Variants in ZNHIT3 observed in about 807,000 individuals in gnomAD.
The protein encoded by ZNHIT3 is zinc finger HIT-type containing 3, also known as zinc finger HIT domain-containing protein 3.
Under a neutral mutation model 19.9 loss-of-function variants are expected in ZNHIT3, and 27 were observed. The ratio of observed to expected loss-of-function variants is 1.36; its 90% CI spans 1.00 to 1.87. The LOEUF (loss-of-function observed/expected upper bound fraction) is 1.87. Among genes scored for constraint, ZNHIT3 ranks in the 40% most tolerant of loss-of-function variants. The pLI is 0.00. For synonymous variants in ZNHIT3, 81 were observed against 65.7 expected, an observed-to-expected ratio of 1.23 and a Z score of -1.13; for missense variants, 215 against 185.6, an observed-to-expected ratio of 1.16 and a Z score of -0.92.
At chr17:36,496,531 G>T, downstream of ZNHIT3, 1 of 859,852 alleles carries the variant, frequency 1.2e-6, no homozygotes, top group Non-Finnish European at 1.8e-6. Context: ...GGGGGCCACA[G>T]CAGGATTAAA....
rs147606592 is a variant in ZNHIT3 at position 36,493,933 on chromosome 17, T to C, written c.213T>C (p.Asp71=). The change falls in exon 4 of 5, where the codon GAT becomes GAC. Residue 71 remains aspartate, a synonymous_variant. Coordinates refer to ENST00000617429, the MANE Select transcript of ZNHIT3 (RefSeq NM_004773.4). The part of the protein sequence containing the change: ...TVKPVENKDD[D]DSIADFLNSD... ...CTGTTTTGTATTCCTTAGATGATGA[T>C]GACTCTATAGCTGATTTTCTCAATA... 2.3e-4 allele frequency: 372 copies of C among 1,612,828 alleles called. 3 individuals carry two copies. Among genetic ancestry groups the C allele is most frequent in the Non-Finnish European group, 5.0e-5 (59 of 1,179,170 alleles).
Position 36,486,919 on chromosome 17 carries a change from G to A in ZNHIT3, c.87-16G>A. Reference sequence around the variant, plus strand: ...ACCCTCGGGGCTGACGCGGCCTGTGGCCTCTGTTGTTACAGCTGCTCGGTA... The same window carrying A: ...ACCCTCGGGGCTGACGCGGCCTGTGACCTCTGTTGTTACAGCTGCTCGGTA... On this transcript the variant is annotated splice_polypyrimidine_tract_variant and intron_variant, in intron 1 of 4. Transcript: ENST00000617429. 3 of 1,607,626 alleles carry A rather than the reference G, an allele frequency of 1.9e-6. No individual in the cohort carries two copies. Among genetic ancestry groups the A allele is most frequent in the Non-Finnish European group, 2.5e-6 (3 of 1,178,336 alleles).
At chr17:36,493,075 CA>C (rs2070765037) in intron 3 of ZNHIT3, 176 bp downstream of exon 3, 1 of 638,220 alleles carries the variant, frequency 1.6e-6, no homozygotes, top group Non-Finnish European at 2.8e-6. Flanking sequence ...GATATTGAGG[CA>C]ACAGCCTGAA....
At chr17:36,498,969 C>T, downstream of ZNHIT3, 1 of 904,982 alleles carries the variant, frequency 1.1e-6, no homozygotes, top group Non-Finnish European at 1.7e-6. Flanking sequence ...AAACAACCTG[C>T]CCAAGGCCAC....
chr17:36,492,749 A>G, intron 2 of ZNHIT3, 64 bp from the exon 3 acceptor site: 4 of 1,427,244 alleles, frequency 2.8e-6, no homozygotes, highest in Non-Finnish European at 3.9e-6. Flanking sequence ...CTACCTTGGT[A>G]GGGAGGTGCA....
At chr17:36,498,494 A>T, downstream of ZNHIT3, 1 of 1,614,054 alleles carries the variant, frequency 6.2e-7, no homozygotes, top group South Asian at 1.1e-5. Context: ...GGGAACAGGG[A>T]GCTTGAGAGA....
downstream of ZNHIT3, chr17:36,499,178 A>G (rs771684606): frequency 4.4e-6 from 7 of 1,585,098 alleles, no homozygotes; most frequent in African/African-American, 5.4e-5. Flanking sequence ...GTTTGCCCAG[A>G]AACAGGAAAG....
chr17:36,496,284 G>A (rs752105905), downstream of ZNHIT3: 35 of 1,613,924 alleles, frequency 2.2e-5, no homozygotes, highest in East Asian at 8.9e-5. Flanking sequence ...AAGAGGTCAC[G>A]TGGATCAGCC....
chr17:36,487,968 T>C (rs995462811), intron 2 of ZNHIT3, among the ~76,000 whole-genome samples: 9 of 150,124 alleles, frequency 6.0e-5, no homozygotes, highest in African/African-American at 2.2e-4. Context: ...CGTGGTGGCC[T>C]GTGCCAGTGG....
At chr17:36,496,297 T>C (rs185098745), downstream of ZNHIT3, 3 of 1,614,042 alleles carry the variant, frequency 1.9e-6, no homozygotes, top group East Asian at 6.7e-5. Flanking sequence ...GATCAGCCTG[T>C]GTCTTTCCAG....
intron 2 of ZNHIT3, among the ~76,000 whole-genome samples, chr17:36,487,426 C>T (rs542222633): frequency 3.3e-5 from 5 of 152,196 alleles, no homozygotes; most frequent in Non-Finnish European, 5.9e-5. Context: ...AAGGAGACGT[C>T]CTTGATTTGT....
rs1410179912 is a variant in ZNHIT3 at position 36,492,902 on chromosome 17, GGGTT to G, written c.205+9_205+12del. On this transcript the variant is annotated splice_donor_5th_base_variant and intron_variant, in intron 3 of 4. Coordinates refer to ENST00000617429, the MANE Select transcript of ZNHIT3 (RefSeq NM_004773.4). ...CGTAAAGCCTGTGGAAAACAAAGGT[GGGTT>G]GGTTGACTTCAAACAAATCTACAAG... is the stretch of plus-strand genomic sequence containing the variant. 2.5e-6 allele frequency: 4 copies of G among 1,614,078 alleles called. No individual in the cohort carries two copies. Among genetic ancestry groups the G allele is most frequent in the Non-Finnish European group, 3.4e-6 (4 of 1,179,966 alleles).
At chr17:36,498,308 T>G, downstream of ZNHIT3, 1 of 1,613,936 alleles carries the variant, frequency 6.2e-7, no homozygotes, top group Non-Finnish European at 8.5e-7. Flanking sequence ...CCTGGTCTTG[T>G]GCTGTCTGGA....
chr17:36,494,629 T>C lies in ZNHIT3; in HGVS notation c.287-594T>C, dbSNP rs7222689. ...AGGTTATGTTTTGCACTTAGTCTCATGGTAATGATTAGTTAGACTGAGTTT... is the reference window on the plus strand; with the variant it reads ...AGGTTATGTTTTGCACTTAGTCTCACGGTAATGATTAGTTAGACTGAGTTT... On this transcript the variant is annotated intron_variant, in intron 4 of 4. Coordinates refer to ENST00000617429, the MANE Select transcript of ZNHIT3 (RefSeq NM_004773.4). Among the ~76,000 whole-genome samples, 763 of 152,342 alleles carry C rather than the reference T, an allele frequency of 5.0e-3. 6 individuals are homozygous for C. The highest frequency in any genetic ancestry group is 8.8e-3 in the Non-Finnish European group (596 of 68,024).
At chr17:36,497,338 A>G (rs1044681689), downstream of ZNHIT3, among the ~76,000 whole-genome samples, 1 of 149,736 alleles carries the variant, frequency 6.7e-6, no homozygotes, top group Non-Finnish European at 1.5e-5. Context: ...AAAAAAACCC[A>G]CAGAGAACTT....
chr17:36,498,043 G>C (rs988463910), downstream of ZNHIT3: 6 of 533,548 alleles, frequency 1.1e-5, no homozygotes, highest in Admixed American at 1.7e-4. Context: ...GAAATAATTA[G>C]AAGCAGTTTT....
Position 36,495,473 on chromosome 17 carries a change from AC to A in ZNHIT3, c.*71del. ...GGAACCTGCCTGCTCCCTCTCCCAG[AC>A]CAGCTAGTTTGGGGCTGGGGAGCTC... On this transcript the variant is annotated 3_prime_UTR_variant, in exon 5 of 5. Transcript: ENST00000617429. 6.8e-7 allele frequency: 1 copy of A among 1,476,016 alleles called. No individual in the cohort carries two copies. The highest frequency in any genetic ancestry group is 2.4e-5 in the East Asian group (1 of 41,372). The allele number at this position is 1,476,016 out of a possible 1,614,324, so 91.4% of individuals were successfully genotyped here. A position where few individuals can be genotyped will look rare whatever the true frequency, so the allele number is the denominator to read the frequency against.
chr17:36,494,035 TGA>T (rs765598375), intron 4 of ZNHIT3, 29 bp downstream of exon 4: 7 of 1,519,918 alleles, frequency 4.6e-6, no homozygotes, highest in Non-Finnish European at 6.4e-6. Context: ...TGTCAATCGT[TGA>T]GATACATTTA....
chr17:36,498,204 T>TGTA, downstream of ZNHIT3: 17 of 1,547,904 alleles, frequency 1.1e-5, no homozygotes, highest in South Asian at 2.0e-4. Flanking sequence ...GCTGTGAACT[T>TGTA]GTAGGCTTTG....
Sources: allele counts gnomAD v4.1 joint callset (sites outside exome capture counted in the v4.1 genomes callset), GRCh38; gene constraint gnomAD v4.1.1; transcripts MANE v1.5; gene names NCBI Gene and HGNC (gene_info 2026-07-23, HGNC 2026-07-21).